The following CLDN16 variants were observed in gnomAD, a reference collection of about 807,000 sequenced individuals.
CLDN16 encodes claudin-16.
Under a neutral mutation model 24.6 loss-of-function variants are expected in CLDN16, and 13 were observed. That is an observed-to-expected ratio of 0.53 (90% CI 0.34 to 0.84). The LOEUF is 0.84. Ranked by LOEUF, CLDN16 falls within the 40% of genes least tolerant of loss-of-function variation. CLDN16 has a pLI of 0.01. For missense variants in CLDN16, 298 were observed against 292.7 expected (o/e 1.02, Z -0.13); for synonymous variants, 116 against 106.7 (o/e 1.09, Z -0.54).
At chr3:190,393,113 T>C (rs1352772882) in intron 1 of CLDN16, among the ~76,000 whole-genome samples, 2 of 152,178 alleles carry the variant, frequency 1.3e-5, no homozygotes, top group Non-Finnish European at 2.9e-5. Flanking sequence ...ATTGACTGCA[T>C]GTGGGGAAGT....
intron 3 of CLDN16, among the ~76,000 whole-genome samples, chr3:190,381,661 G>T (rs1718375547): frequency 6.6e-6 from 1 of 151,986 alleles, no homozygotes; most frequent in South Asian, 2.1e-4. Flanking sequence ...ATTGTGTTAG[G>T]TAGGGACTGC....
chr3:190,356,038 G>A (rs113247732), intron 1 of CLDN16, among the ~76,000 whole-genome samples: 4,288 of 151,622 alleles, frequency 0.028, 95 homozygotes, highest in East Asian at 0.056. Context: ...TTCAGATTTA[G>A]TGACTCTTAA....
chr3:190,299,995 A>G, the CLDN16 span, among the ~76,000 whole-genome samples: 1 of 152,216 alleles, frequency 6.6e-6, no homozygotes. Flanking sequence ...TGACTGAGCA[A>G]TGATTTTACA....
intron 1 of CLDN16, among the ~76,000 whole-genome samples, chr3:190,338,354 A>G (rs1213932875): frequency 5.9e-5 from 9 of 152,222 alleles, no homozygotes; most frequent in African/African-American, 1.9e-4. Context: ...ACACTAGGAT[A>G]TTTGAATGTG....
chr3:190,321,240 A>T (rs182295730), upstream of CLDN16, among the ~76,000 whole-genome samples: 1 of 152,194 alleles, frequency 6.6e-6, no homozygotes, highest in Admixed American at 6.5e-5. Context: ...TGCGCAGGTT[A>T]TTTAGAACCT....
At chr3:190,301,539 A>C in the CLDN16 span, among the ~76,000 whole-genome samples, 27 of 152,180 alleles carry the variant, frequency 1.8e-4, no homozygotes, top group East Asian at 3.1e-3. Flanking sequence ...AATTATCATC[A>C]TGTCCAAAAT....
the CLDN16 span, chr3:190,313,291 A>C: frequency 2.1e-6 from 1 of 480,560 alleles, no homozygotes; most frequent in Non-Finnish European, 3.8e-6. Flanking sequence ...TAAATTCAAA[A>C]TCAACTGGAA....
At chr3:190,381,489 T>C (rs994049305) in intron 3 of CLDN16, among the ~76,000 whole-genome samples, 1 of 152,106 alleles carries the variant, frequency 6.6e-6, no homozygotes, top group African/African-American at 2.4e-5. Flanking sequence ...CCTAAACATA[T>C]GCTAAACTCT....
chr3:190,311,694 C>A, the CLDN16 span, among the ~76,000 whole-genome samples: 120 of 150,504 alleles, frequency 8.0e-4, no homozygotes, highest in African/African-American at 2.8e-3. Context: ...ATTATTATAG[C>A]TGTATAATTT....
At chr3:190,314,563 T>A in the CLDN16 span, among the ~76,000 whole-genome samples, 6 of 64,710 alleles carry the variant, frequency 9.3e-5, no homozygotes, top group African/African-American at 9.9e-4. Flanking sequence ...CCTGGCTAAA[T>A]TTTTTTTTTT....
upstream of CLDN16, among the ~76,000 whole-genome samples, chr3:190,384,849 A>C (rs371117388): frequency 5.9e-5 from 9 of 152,306 alleles, no homozygotes; most frequent in East Asian, 1.7e-3. Flanking sequence ...AGCTTAGATG[A>C]GATAATATAT....
Position 190,408,483 on chromosome 3 carries a change from C to T in CLDN16, c.552C>T (p.Thr184=), listed in dbSNP as rs1314203005. 2 of 1,614,042 alleles carry T rather than the reference C, an allele frequency of 1.2e-6. No homozygotes were observed. The highest frequency in any genetic ancestry group is 1.7e-6 in the Non-Finnish European group (2 of 1,179,972). ...LGCFLAGAVL[T]CCLYLFKDVG... is the part of the protein sequence containing the mutation. The stretch of plus-strand genomic sequence containing the variant: ...GCTTTTTGGCTGGAGCTGTTCTCAC[C>T]TGCTGCTTATATCTTTTTAAAGGTA... The change falls in exon 4 of 5, where the codon ACC becomes ACT. Residue 184 remains threonine (T), a synonymous_variant. Transcript: ENST00000264734.
intron 2 of CLDN16, 127 bp downstream of exon 2, chr3:190,402,566 A>G (rs1483505814): frequency 1.2e-5 from 9 of 740,088 alleles, no homozygotes; most frequent in Non-Finnish European, 2.0e-5. Context: ...TGTAATGGTT[A>G]GAAATTGAGC....
At chr3:190,308,696 CT>C in the CLDN16 span, among the ~76,000 whole-genome samples, 9 of 152,034 alleles carry the variant, frequency 5.9e-5, no homozygotes, top group Admixed American at 5.9e-4. Context: ...ATTCCAAGGA[CT>C]TTTCCATATA....
chr3:190,321,993 T>G (rs1716934720), upstream of CLDN16: 1 of 1,613,988 alleles, frequency 6.2e-7, no homozygotes, highest in Non-Finnish European at 8.5e-7. Flanking sequence ...CTGCTCAGAT[T>G]CAGCAAGGAG....
chr3:190,382,983 T>A (rs1174058150), intron 3 of CLDN16, among the ~76,000 whole-genome samples: 1 of 152,074 alleles, frequency 6.6e-6, no homozygotes, highest in Non-Finnish European at 1.5e-5. Context: ...CAGTGCAACA[T>A]CACATAAGCT....
At chr3:190,399,492 A>G (rs1274145701) in intron 1 of CLDN16, among the ~76,000 whole-genome samples, 1 of 150,016 alleles carries the variant, frequency 6.7e-6, no homozygotes, top group Non-Finnish European at 1.5e-5. Context: ...CCTGGGGAAA[A>G]CAGCGAGACT....
intron 1 of CLDN16, among the ~76,000 whole-genome samples, chr3:190,395,892 C>G (rs907614142): frequency 5.3e-5 from 8 of 151,846 alleles, no homozygotes; most frequent in Non-Finnish European, 1.0e-4. Flanking sequence ...TAGATAGATA[C>G]ATAGATAGAT....
intron 1 of CLDN16, among the ~76,000 whole-genome samples, chr3:190,335,708 C>CAAAAAAAAAA (rs34082811): frequency 3.8e-4 from 23 of 60,146 alleles, no homozygotes; most frequent in African/African-American, 1.5e-3. Context: ...AAGACTCCAT[C>CAAAAAAAAAA]AAAAAAAAAA....
Sources: gnomAD v4.1 joint callset for allele counts (sites outside exome capture counted in the v4.1 genomes callset) on GRCh38, gnomAD v4.1.1 for gene constraint, MANE v1.5 for transcripts, NCBI Gene and HGNC (gene_info 2026-07-23, HGNC 2026-07-21) for gene names.